Variants in FGF13 observed in about 807,000 individuals in gnomAD.
FGF13 encodes the protein fibroblast growth factor homologous factor 2.
Under a neutral mutation model 19.5 loss-of-function variants are expected in FGF13, and 2 were observed. That is an observed-to-expected ratio of 0.10 (90% CI 0.04 to 0.32). The LOEUF (loss-of-function observed/expected upper bound fraction) is 0.32, where lower values mean the gene tolerates loss of function less well. Ranked by LOEUF, FGF13 falls within the 10% of genes least tolerant of loss-of-function variation. The pLI, the probability that FGF13 is intolerant of heterozygous loss-of-function variation, is 1.00. For synonymous variants in FGF13, 72 were observed against 76.9 expected, an observed-to-expected ratio of 0.94 and a Z score of 0.33; for missense variants, 113 against 192.7, an observed-to-expected ratio of 0.59 and a Z score of 2.45.
chrX:138,813,353 T>C (rs1421619370), intron 3 of FGF13, among the ~76,000 whole-genome samples: 3 of 111,639 alleles, frequency 2.7e-5, no homozygotes, highest in Non-Finnish European at 5.6e-5. Context: ...GCTTCCTAAC[T>C]GAGCTCTCTG....
upstream of FGF13, among the ~76,000 whole-genome samples, chrX:138,739,608 G>GA (rs2090305663): frequency 9.0e-6 from 1 of 111,542 alleles, no homozygotes; most frequent in Admixed American, 9.5e-5. Flanking sequence ...CTAGAATTAT[G>GA]AAAAACGGTC....
chrX:139,091,074 C>G (rs1243811116), intron 1 of FGF13, among the ~76,000 whole-genome samples: 1 of 110,411 alleles, frequency 9.1e-6, no homozygotes, highest in Non-Finnish European at 1.9e-5. Context: ...CTATCTCTTG[C>G]TCTCTCTCTT....
intron 1 of FGF13, among the ~76,000 whole-genome samples, chrX:138,955,081 T>G (rs2091834346): frequency 8.9e-6 from 1 of 112,473 alleles, no homozygotes; most frequent in South Asian, 3.7e-4. Flanking sequence ...ATCCCCTAGA[T>G]CTCCTCAATC....
At chrX:139,029,832 A>G (rs187574402) in intron 1 of FGF13, among the ~76,000 whole-genome samples, 1 of 111,991 alleles carries the variant, frequency 8.9e-6, no homozygotes, top group East Asian at 2.8e-4. Context: ...GACTGACTCT[A>G]TGATACTGCA....
At chrX:138,776,920 A>G (rs2090592216) in intron 3 of FGF13, among the ~76,000 whole-genome samples, 1 of 111,725 alleles carries the variant, frequency 9.0e-6, no homozygotes, top group Admixed American at 9.5e-5. Flanking sequence ...TACAAATATG[A>G]ACCCTGGGAA....
At chrX:139,188,176 C>A (rs1157452371) in intron 1 of FGF13, among the ~76,000 whole-genome samples, 1 of 111,788 alleles carries the variant, frequency 8.9e-6, no homozygotes, top group Non-Finnish European at 1.9e-5. Flanking sequence ...AGAATAGAGA[C>A]TCTTCCTCAT....
At chrX:139,014,407 G>A (rs186036198) in intron 1 of FGF13, among the ~76,000 whole-genome samples, 15 of 111,364 alleles carry the variant, frequency 1.3e-4, no homozygotes, top group African/African-American at 4.5e-4. Flanking sequence ...ATGAAAATCA[G>A]AGATGAAAAA....
intron 1 of FGF13, among the ~76,000 whole-genome samples, chrX:139,111,097 T>C (rs1382489578): frequency 8.9e-6 from 1 of 111,950 alleles, no homozygotes; most frequent in Admixed American, 9.5e-5. Context: ...CAGATGAATG[T>C]TGACTGCTAC....
chrX:138,759,842 T>G (rs2090454461), intron 3 of FGF13, among the ~76,000 whole-genome samples: 1 of 112,200 alleles, frequency 8.9e-6, no homozygotes, highest in Non-Finnish European at 1.9e-5. Flanking sequence ...AGCTGACACA[T>G]CATAGGCCTT....
chrX:138,814,248 A>T (rs2090946512), intron 3 of FGF13, among the ~76,000 whole-genome samples: 1 of 110,226 alleles, frequency 9.1e-6, no homozygotes, highest in Non-Finnish European at 1.9e-5. Flanking sequence ...ACATGGAAAA[A>T]TTAACAATAG....
chrX:139,099,551 C>A (rs1416072137), intron 1 of FGF13, among the ~76,000 whole-genome samples: 2 of 110,607 alleles, frequency 1.8e-5, no homozygotes, highest in African/African-American at 6.6e-5. Flanking sequence ...CAAGGTACTT[C>A]AACTTTCTGC....
chrX:138,636,512 G>C (rs938412088), intron 3 of FGF13, among the ~76,000 whole-genome samples: 13 of 112,132 alleles, frequency 1.2e-4, no homozygotes, highest in Admixed American at 3.8e-4. Context: ...TTGTGTGTTT[G>C]AGTGTACACG....
chrX:138,795,080 C>G (rs1415568013), intron 3 of FGF13, among the ~76,000 whole-genome samples: 1 of 111,668 alleles, frequency 9.0e-6, no homozygotes, highest in Non-Finnish European at 1.9e-5. Context: ...GCTCAAGAAG[C>G]TAAACTGTAG....
At chrX:138,809,958 G>A (rs999517957) in intron 3 of FGF13, among the ~76,000 whole-genome samples, 3 of 111,554 alleles carry the variant, frequency 2.7e-5, no homozygotes, top group Admixed American at 1.9e-4. Context: ...ACAAACAAAC[G>A]GAAGAACATC....
chrX:139,019,927 A>G (rs1698319493), intron 1 of FGF13, among the ~76,000 whole-genome samples: 1 of 106,383 alleles, frequency 9.4e-6, no homozygotes, highest in African/African-American at 3.4e-5. Flanking sequence ...CAAAGGTGTG[A>G]AAAAAAAAAG....
At chrX:138,715,249 A>G (rs180888236), upstream of FGF13, among the ~76,000 whole-genome samples, 1 of 111,852 alleles carries the variant, frequency 8.9e-6, no homozygotes, top group South Asian at 3.8e-4. Context: ...CTGGAAACAT[A>G]TGTTTTAATC....
At chrX:139,165,030 G>C (rs949302079) in intron 1 of FGF13, among the ~76,000 whole-genome samples, 5 of 111,701 alleles carry the variant, frequency 4.5e-5, no homozygotes, top group African/African-American at 1.6e-4. Context: ...AACTTCTTAG[G>C]GATTACTTAA....
chrX:138,708,736 A>G, intron 2 of FGF13, 82 bp downstream of exon 2: 2 of 629,337 alleles, frequency 3.2e-6, no homozygotes, highest in Non-Finnish European at 5.1e-6. Context: ...AGGATTTAGG[A>G]AAGCGTATTT....
chrX:138,971,966 C>G (rs5931531), intron 1 of FGF13, among the ~76,000 whole-genome samples: 1 of 109,436 alleles, frequency 9.1e-6, no homozygotes, highest in Non-Finnish European at 1.9e-5. Context: ...CCTTCTGCGC[C>G]TGGCTTATTT....
Sources: allele counts gnomAD v4.1 joint callset (sites outside exome capture counted in the v4.1 genomes callset), GRCh38; gene constraint gnomAD v4.1.1; transcripts MANE v1.5; gene names NCBI Gene and HGNC (gene_info 2026-07-23, HGNC 2026-07-21).